Variants in ELMO1 observed in about 807,000 individuals in gnomAD.
The protein encoded by ELMO1 is engulfment and cell motility 1, also known as engulfment and cell motility protein 1.
A neutral mutation model predicts 98.9 loss-of-function variants in ELMO1; 26 were observed. The ratio of observed to expected loss-of-function variants is 0.26; its 90% CI spans 0.19 to 0.36. ELMO1 has a LOEUF of 0.36. Ranked by LOEUF, ELMO1 falls within the 10% of genes least tolerant of loss-of-function variation. The pLI, the probability that ELMO1 is intolerant of heterozygous loss-of-function variation, is 1.00. For missense variants in ELMO1, 627 were observed against 935.2 expected (o/e 0.67, Z 4.30); for synonymous variants, 346 against 346.0 (o/e 1.00, Z 0.00).
chr7:37,369,968 T>C (rs1323458362), intron 1 of ELMO1, among the ~76,000 whole-genome samples: 1 of 152,146 alleles, frequency 6.6e-6, no homozygotes, highest in Non-Finnish European at 1.5e-5. Context: ...AGTTCCCTTA[T>C]CTGATTGAGA....
chr7:37,096,472 C>T (rs557245678), intron 15 of ELMO1, 147 bp downstream of exon 15: 32 of 643,982 alleles, frequency 5.0e-5, no homozygotes, highest in Admixed American at 4.8e-4. Flanking sequence ...ATGCTGTAAA[C>T]CTGAGCCAAA....
chr7:37,214,892 G>A (rs190246343), intron 11 of ELMO1, among the ~76,000 whole-genome samples: 1 of 152,294 alleles, frequency 6.6e-6, no homozygotes, highest in Non-Finnish European at 1.5e-5. Flanking sequence ...TGATTTTTGA[G>A]ACAGGGTGAA....
chr7:37,239,812 C>A (rs568107555), intron 7 of ELMO1, among the ~76,000 whole-genome samples: 1 of 152,316 alleles, frequency 6.6e-6, no homozygotes, highest in Non-Finnish European at 1.5e-5. Flanking sequence ...GCTCTGGTAT[C>A]CCCACCATGT....
At position 37,259,206 on chromosome 7, in the gene ELMO1, T is replaced by C; in HGVS notation, c.388A>G (p.Thr130Ala). The C allele has an allele frequency of 6.2e-7, 1 of 1,613,906 alleles. No homozygotes were observed. The highest frequency in any genetic ancestry group is 8.5e-7 in the Non-Finnish European group (1 of 1,179,900). ...TCAGTGCCGCTCTCCACCATCTGCG[T>C]GAGGAGAGAGATACCGTCCAGGTTT... ...FINLDGISLL[T>A]QMVESGTERY... The change falls in exon 6 of 22, where the codon ACG (threonine) becomes GCG (alanine). Residue 130 changes from threonine (T) to alanine (A), a missense_variant. Transcript: ENST00000310758.
At chr7:37,065,781 T>C (rs1316506001) in intron 15 of ELMO1, among the ~76,000 whole-genome samples, 2 of 152,142 alleles carry the variant, frequency 1.3e-5, no homozygotes, top group East Asian at 1.9e-4. Flanking sequence ...AAAACAAGCA[T>C]AGAGACACTG....
intron 1 of ELMO1, among the ~76,000 whole-genome samples, chr7:37,354,608 T>C (rs1284298566): frequency 6.6e-6 from 1 of 152,092 alleles, no homozygotes; most frequent in Admixed American, 6.6e-5. Context: ...ATGCACACAC[T>C]TCCTCCCTTG....
intron 1 of ELMO1, among the ~76,000 whole-genome samples, chr7:37,345,475 T>C (rs1443188000): frequency 6.6e-6 from 1 of 151,648 alleles, no homozygotes; most frequent in Non-Finnish European, 1.5e-5. Flanking sequence ...ACTTTGAGAC[T>C]GAGGCGGGTG....
intron 15 of ELMO1, among the ~76,000 whole-genome samples, chr7:37,042,570 A>G (rs2129196539): frequency 6.6e-6 from 1 of 152,260 alleles, no homozygotes; most frequent in Non-Finnish European, 1.5e-5. Flanking sequence ...AGGGACTGGG[A>G]ATATGTATGG....
At chr7:37,000,408 A>G (rs939882157) in intron 16 of ELMO1, among the ~76,000 whole-genome samples, 4 of 152,190 alleles carry the variant, frequency 2.6e-5, no homozygotes, top group Non-Finnish European at 5.9e-5. Context: ...CAAATATGTG[A>G]AAGAGAAAGA....
intron 14 of ELMO1, among the ~76,000 whole-genome samples, chr7:37,119,764 A>T (rs775501912): frequency 7.9e-5 from 12 of 152,240 alleles, no homozygotes; most frequent in Non-Finnish European, 1.8e-4. Flanking sequence ...TCACAACTGC[A>T]CGAAAACATT....
At chr7:37,183,237 A>G (rs1269469540) in intron 13 of ELMO1, among the ~76,000 whole-genome samples, 1 of 152,264 alleles carries the variant, frequency 6.6e-6, no homozygotes, top group African/African-American at 2.4e-5. Context: ...GTCTATCGAG[A>G]GTGAGCAACA....
chr7:36,986,873 C>T (rs539836662), intron 16 of ELMO1, among the ~76,000 whole-genome samples: 11 of 152,156 alleles, frequency 7.2e-5, no homozygotes, highest in African/African-American at 2.4e-4. Context: ...AATTCCTACC[C>T]AGGATGTAAA....
chr7:37,174,799 A>G (rs1790412423), intron 13 of ELMO1, among the ~76,000 whole-genome samples: 1 of 152,168 alleles, frequency 6.6e-6, no homozygotes, highest in Non-Finnish European at 1.5e-5. Context: ...GTCCCACAAT[A>G]TAATCACGTC....
At chr7:37,211,987 T>C (rs1312170487) in intron 12 of ELMO1, among the ~76,000 whole-genome samples, 1 of 152,146 alleles carries the variant, frequency 6.6e-6, no homozygotes, top group Non-Finnish European at 1.5e-5. Context: ...CAAGTGTCCA[T>C]CCAAGGGTAA....
intron 6 of ELMO1, among the ~76,000 whole-genome samples, chr7:37,257,954 T>TA (rs1289437388): frequency 1.3e-5 from 2 of 151,474 alleles, no homozygotes; most frequent in Admixed American, 1.3e-4. Flanking sequence ...GCCAACGTGG[T>TA]AAAACCCCAT....
At chr7:36,884,015 T>A (rs1360056273) in intron 18 of ELMO1, among the ~76,000 whole-genome samples, 1 of 152,068 alleles carries the variant, frequency 6.6e-6, no homozygotes, top group East Asian at 1.9e-4. Context: ...CTACTCCACC[T>A]CCTGTGCTTA....
In ELMO1 at chr7:36,903,430, T is replaced by G. The variant is rs541290295; in HGVS notation, c.1438-8413A>C. On this transcript the variant is annotated intron_variant, in intron 16 of 21. Transcript: ENST00000310758. Reference sequence around the variant, plus strand: ...TATCTCATCTCCAGAGCCTGCACAGTCCAGTCACAGAGTAATGATTGAGAA... The same window carrying G: ...TATCTCATCTCCAGAGCCTGCACAGGCCAGTCACAGAGTAATGATTGAGAA... 2.0e-5 allele frequency among the ~76,000 whole-genome samples: 3 copies of G among 152,308 alleles called. No individual in the cohort carries two copies. In the South Asian group the frequency reaches 6.2e-4, roughly 32 times the overall value.
At chr7:37,038,390 C>T (rs971466741) in intron 15 of ELMO1, among the ~76,000 whole-genome samples, 2 of 152,188 alleles carry the variant, frequency 1.3e-5, no homozygotes, top group African/African-American at 2.4e-5. Context: ...ACCCAGGGGG[C>T]ACCCTAGTTT....
chr7:37,121,385 T>A lies in ELMO1; in HGVS notation c.1191+11745A>T, dbSNP rs377082900. 9.2e-5 allele frequency among the ~76,000 whole-genome samples: 14 copies of A among 152,206 alleles called. No homozygotes were observed. In the East Asian group the frequency reaches 2.3e-3, roughly 25 times the overall value. Reference sequence around the variant, plus strand: ...GAAGTTAAAAACCTCAAAAAAAGATTAGACAAATGGCTAACCAGAATAACC... The same window carrying A: ...GAAGTTAAAAACCTCAAAAAAAGATAAGACAAATGGCTAACCAGAATAACC... On this transcript the variant is annotated intron_variant, in intron 14 of 21. Coordinates refer to ENST00000310758, the MANE Select transcript of ELMO1 (RefSeq NM_014800.11).
Sources: allele counts gnomAD v4.1 joint callset (sites outside exome capture counted in the v4.1 genomes callset), GRCh38; gene constraint gnomAD v4.1.1; transcripts MANE v1.5; gene names NCBI Gene and HGNC (gene_info 2026-07-23, HGNC 2026-07-21).